FARS2: variants seen among roughly 807,000 people sequenced by gnomAD.
FARS2 encodes the protein phenylalanyl-tRNA synthetase 2, mitochondrial, also known as phenylalanine--tRNA ligase, mitochondrial.
Under a neutral mutation model 46.4 loss-of-function variants are expected in FARS2, and 40 were observed. The observed-to-expected ratio is 0.86, with a 90% CI of 0.67 to 1.12. The LOEUF (loss-of-function observed/expected upper bound fraction) is 1.12. Among genes scored for constraint, FARS2 ranks in the 50% most tolerant of loss-of-function variants. The probability of loss-of-function intolerance (pLI) is 0.00; values close to 1 mark genes in which losing one functional copy is unlikely to be tolerated. For missense variants in FARS2, 513 were observed against 567.9 expected, an observed-to-expected ratio of 0.90 and a Z score of 0.98; for synonymous variants, 234 against 214.9, an observed-to-expected ratio of 1.09 and a Z score of -0.78.
At chr6:5,294,064 T>A (rs1483007911) in intron 1 of FARS2, among the ~76,000 whole-genome samples, 1 of 152,222 alleles carries the variant, frequency 6.6e-6, no homozygotes, top group Non-Finnish European at 1.5e-5. Context: ...CAACCTAGCA[T>A]CTAGCCTGAT....
At chr6:5,255,923 T>C in the FARS2 span, among the ~76,000 whole-genome samples, 1 of 152,182 alleles carries the variant, frequency 6.6e-6, no homozygotes, top group South Asian at 2.1e-4. Flanking sequence ...ATCTAATATC[T>C]AGGTTTTAAT....
intron 6 of FARS2, among the ~76,000 whole-genome samples, chr6:5,690,100 G>A (rs1486776240): frequency 2.0e-5 from 3 of 152,102 alleles, no homozygotes; most frequent in Admixed American, 6.5e-5. Flanking sequence ...GTCTCTGCAC[G>A]TGAGATGGTT....
In FARS2 at chr6:5,665,478, G is replaced by A. The variant is rs565551879; in HGVS notation, c.1217+52158G>A. On this transcript the variant is annotated intron_variant, in intron 6 of 6. Coordinates refer to ENST00000274680, the MANE Select transcript of FARS2 (RefSeq NM_006567.5). ...CAGACTCTAGAGAGATTTGAGAGGA[G>A]ACTGTCAGAGAGACACAGAGGCCTG... 2.0e-5 allele frequency: 3 copies of A among 152,376 alleles called. No individual in the cohort carries two copies. The East Asian group carries it at 5.8e-4, about 29-fold the overall frequency. The allele number at this position is 152,376 out of a possible 1,614,324, so 9.4% of individuals were successfully genotyped here. A position where few individuals can be genotyped will look rare whatever the true frequency, so the allele number is the denominator to read the frequency against.
chr6:5,639,251 A>G (rs1323526608), intron 6 of FARS2, among the ~76,000 whole-genome samples: 1 of 152,192 alleles, frequency 6.6e-6, no homozygotes, highest in Middle Eastern at 3.2e-3. Flanking sequence ...TCATTTTGAC[A>G]TGTGTTTCTT....
chr6:5,586,233 A>G lies in FARS2; in HGVS notation c.1066-26936A>G, dbSNP rs186225508. Among the ~76,000 whole-genome samples the G allele has an allele frequency of 8.2e-3, 1,245 of 152,256 alleles. 9 individuals are homozygous for G. The highest frequency in any genetic ancestry group is 0.016 in the South Asian group (75 of 4,822). On this transcript the variant is annotated intron_variant, in intron 5 of 6. Transcript: ENST00000274680. ...TTTTTCCTGCTTAATTGCTCTGGCT[A>G]GCACCTCTAGTATTATGTTGAATAG...
At chr6:5,534,803 A>G (rs984202590) in intron 4 of FARS2, among the ~76,000 whole-genome samples, 2 of 152,102 alleles carry the variant, frequency 1.3e-5, no homozygotes, top group Non-Finnish European at 2.9e-5. Flanking sequence ...ATAGAGACAC[A>G]CATATGTATA....
At chr6:5,545,473 G>T in intron 5 of FARS2, 133 bp downstream of exon 5, 3 of 680,120 alleles carry the variant, frequency 4.4e-6, no homozygotes, top group Non-Finnish European at 6.8e-6. Flanking sequence ...TTAAGTTCTG[G>T]GATACATGTG....
At position 5,365,317 on chromosome 6, in the gene FARS2, CTTTTT is replaced by C. The variant is rs61097603; in HGVS notation, c.-21-3208_-21-3204del. Among the ~76,000 whole-genome samples the C allele has an allele frequency of 8.7e-3, 368 of 42,456 alleles. 2 individuals carry two copies. The highest frequency in any genetic ancestry group is 0.038 in the South Asian group (40 of 1,066). The allele number at this position is 42,456 out of a possible 152,430, so 27.9% of individuals were successfully genotyped here. On this transcript the variant is annotated intron_variant, in intron 1 of 6. Coordinates refer to ENST00000274680, the MANE Select transcript of FARS2 (RefSeq NM_006567.5). ...GACCTTTGATTGAGAAGTATACTTTCTTTTTTTTTTTTTTTTTTTTTTTTTTTTTA... is the reference window on the plus strand; with the variant it reads ...GACCTTTGATTGAGAAGTATACTTTCTTTTTTTTTTTTTTTTTTTTTTTTA...
At chr6:5,366,746 A>G (rs1432406533) in intron 1 of FARS2, among the ~76,000 whole-genome samples, 2 of 152,228 alleles carry the variant, frequency 1.3e-5, no homozygotes, top group Non-Finnish European at 2.9e-5. Flanking sequence ...CTTTCCGAGA[A>G]CAATTCTGAA....
chr6:5,723,222 C>T (rs1216135655), intron 6 of FARS2, among the ~76,000 whole-genome samples: 4 of 152,216 alleles, frequency 2.6e-5, no homozygotes, highest in African/African-American at 7.2e-5. Context: ...GACCCAAGTA[C>T]GTGCCCCTGG....
chr6:5,562,740 T>C (rs1352518954), intron 5 of FARS2, among the ~76,000 whole-genome samples: 2 of 134,560 alleles, frequency 1.5e-5, no homozygotes, highest in Non-Finnish European at 3.2e-5. Flanking sequence ...TGTTTTTCAT[T>C]GTGTTAAATC....
At chr6:5,364,304 C>T (rs1581890847) in intron 1 of FARS2, among the ~76,000 whole-genome samples, 1 of 152,138 alleles carries the variant, frequency 6.6e-6, no homozygotes, top group African/African-American at 2.4e-5. Flanking sequence ...GGTCAAATAA[C>T]GTTTCTAAGG....
chr6:5,682,182 A>G (rs147351441), intron 6 of FARS2, among the ~76,000 whole-genome samples: 2 of 152,380 alleles, frequency 1.3e-5, no homozygotes, highest in African/African-American at 2.4e-5. Context: ...AAAAATGACA[A>G]TAACTAGGTT....
At position 5,294,750 on chromosome 6, in the gene FARS2, G is replaced by T. The variant is rs868717438; in HGVS notation, c.-22+33090G>T. On this transcript the variant is annotated intron_variant, in intron 1 of 6. Coordinates refer to ENST00000274680, the MANE Select transcript of FARS2 (RefSeq NM_006567.5). Reference sequence around the variant, plus strand: ...TGCAGGGCAAGGTATAGGGGAAGGGGTGTGGAGCTTCCATGCCCTCCCTGG... The same window carrying T: ...TGCAGGGCAAGGTATAGGGGAAGGGTTGTGGAGCTTCCATGCCCTCCCTGG... 3.3e-5 allele frequency among the ~76,000 whole-genome samples: 5 copies of T among 152,304 alleles called. No homozygotes were observed. The South Asian group carries it at 1.0e-3, about 32-fold the overall frequency.
intron 6 of FARS2, among the ~76,000 whole-genome samples, chr6:5,644,073 G>A (rs367981199): frequency 7.2e-5 from 11 of 152,106 alleles, no homozygotes; most frequent in East Asian, 5.8e-4. Context: ...ATGGCCCTGC[G>A]CTTCTGGGGG....
At chr6:5,694,100 G>C (rs1180924226) in intron 6 of FARS2, among the ~76,000 whole-genome samples, 1 of 152,226 alleles carries the variant, frequency 6.6e-6, no homozygotes, top group East Asian at 1.9e-4. Flanking sequence ...TTGAGAGATT[G>C]TGCTGTGCTC....
intron 1 of FARS2, among the ~76,000 whole-genome samples, chr6:5,359,144 A>G (rs188286283): frequency 3.2e-4 from 44 of 139,140 alleles, no homozygotes; most frequent in Admixed American, 2.5e-3. Flanking sequence ...GGTTCAAGCT[A>G]TTCTCCCGCC....
chr6:5,617,919 A>G (rs907717919), intron 6 of FARS2, among the ~76,000 whole-genome samples: 1 of 152,222 alleles, frequency 6.6e-6, no homozygotes, highest in Non-Finnish European at 1.5e-5. Context: ...ATACCTGAGG[A>G]AAAGGACACA....
chr6:5,744,364 C>G (rs1011716872), intron 6 of FARS2, among the ~76,000 whole-genome samples: 1 of 152,184 alleles, frequency 6.6e-6, no homozygotes, highest in East Asian at 1.9e-4. Flanking sequence ...TTCTGTTACC[C>G]ACGACCAACA....
Sources: gnomAD v4.1 joint callset for allele counts (sites outside exome capture counted in the v4.1 genomes callset) on GRCh38, gnomAD v4.1.1 for gene constraint, MANE v1.5 for transcripts, NCBI Gene and HGNC (gene_info 2026-07-23, HGNC 2026-07-21) for gene names.